IQSEC1: variants seen among roughly 807,000 people sequenced by gnomAD.
The protein encoded by IQSEC1 is IQ motif and Sec7 domain ArfGEF 1.
Under a neutral mutation model 91.0 loss-of-function variants are expected in IQSEC1, and 31 were observed. That is an observed-to-expected ratio of 0.34 (90% CI 0.26 to 0.46). The LOEUF is 0.46. Ranked by LOEUF, IQSEC1 falls within the 20% of genes least tolerant of loss-of-function variation. The pLI, the probability that IQSEC1 is intolerant of heterozygous loss-of-function variation, is 1.00. For missense variants in IQSEC1, 1,388 were observed against 1,575.6 expected (o/e 0.88, Z 2.02); for synonymous variants, 699 against 662.6 (o/e 1.05, Z -0.84).
chr3:12,962,429 G>C (rs1228580095), intron 1 of IQSEC1, among the ~76,000 whole-genome samples: 1 of 152,206 alleles, frequency 6.6e-6, no homozygotes, highest in African/African-American at 2.4e-5. Flanking sequence ...TGGGCAGCAG[G>C]GGATTTTGGG....
At chr3:13,173,267 T>C (rs116512773) in intron 1 of IQSEC1, among the ~76,000 whole-genome samples, 7,250 of 152,232 alleles carry the variant, frequency 0.048, 181 homozygotes, top group Non-Finnish European at 0.054. Flanking sequence ...GCCATGGGAA[T>C]GTTAGGAGGG....
intron 5 of IQSEC1, among the ~76,000 whole-genome samples, chr3:12,921,778 T>C (rs1054776937): frequency 5.9e-5 from 9 of 152,166 alleles, no homozygotes; most frequent in Non-Finnish European, 1.2e-4. Flanking sequence ...AATGCAGAGC[T>C]TGGGGGGAAT....
intron 1 of IQSEC1, among the ~76,000 whole-genome samples, chr3:13,262,491 G>T (rs1008819980): frequency 6.6e-6 from 1 of 152,114 alleles, no homozygotes; most frequent in African/African-American, 2.4e-5. Flanking sequence ...TGAGGGTTAC[G>T]CTAGGACGGA....
rs931887491 is a variant in IQSEC1 at position 12,924,825 on chromosome 3, G to T, written c.1569-83C>A. ...TGGAGGGGATCTCCGCTCAGTGGAC[G>T]GTCGACATTCTCCCTCCCTGCCCAC... On this transcript the variant is annotated intron_variant, in intron 3 of 13. Coordinates refer to ENST00000613206, the MANE Select transcript of IQSEC1 (RefSeq NM_001134382.3). The surrounding 1 kb of genome is among the most constrained non-coding windows in gnomAD (Gnocchi z 6.3). 3.0e-6 allele frequency: 4 copies of T among 1,329,838 alleles called. No individual in the cohort carries two copies. Among genetic ancestry groups the T allele is most frequent in the Non-Finnish European group, 4.1e-6 (4 of 977,890 alleles). 82.4% of individuals were successfully genotyped at this position (1,329,838 alleles called of 1,614,324 possible). A position where few individuals can be genotyped will look rare whatever the true frequency, so the allele number is the denominator to read the frequency against.
chr3:12,955,733 G>A (rs139302831), intron 1 of IQSEC1, among the ~76,000 whole-genome samples: 29 of 152,334 alleles, frequency 1.9e-4, no homozygotes, highest in Admixed American at 5.2e-4. Flanking sequence ...GAGCGCCACC[G>A]GGCCAGGGCC....
At chr3:13,009,911 T>C (rs893720373) in intron 1 of IQSEC1, among the ~76,000 whole-genome samples, 3 of 152,184 alleles carry the variant, frequency 2.0e-5, no homozygotes, top group Admixed American at 6.5e-5. Context: ...CTAGGCATCC[T>C]CTTCAAACTC....
chr3:13,025,981 T>C (rs1703597636), intron 1 of IQSEC1, among the ~76,000 whole-genome samples: 2 of 152,170 alleles, frequency 1.3e-5, no homozygotes, highest in African/African-American at 4.8e-5. Flanking sequence ...ATTCTGCACA[T>C]ATTGCCCAGT....
intron 1 of IQSEC1, among the ~76,000 whole-genome samples, chr3:13,247,083 C>A (rs1331034986): frequency 6.6e-6 from 1 of 152,186 alleles, no homozygotes; most frequent in Non-Finnish European, 1.5e-5. Flanking sequence ...CACTTGTCAG[C>A]AACTGTCTCT....
chr3:12,961,640 T>A (rs1323131918), intron 1 of IQSEC1, among the ~76,000 whole-genome samples: 2 of 152,158 alleles, frequency 1.3e-5, no homozygotes, highest in Admixed American at 1.3e-4. Context: ...GCCAAAAAGA[T>A]AAACAATCCA....
chr3:12,920,499 C>T lies in IQSEC1; in HGVS notation c.1951G>A (p.Asp651Asn), dbSNP rs1559623072. 2 of 1,614,172 alleles carry T rather than the reference C, an allele frequency of 1.2e-6. No homozygotes were observed. The highest frequency in any genetic ancestry group is 1.7e-6 in the Non-Finnish European group (2 of 1,180,016). The change falls in exon 6 of 14, where the codon GAC (aspartate) becomes AAC (asparagine). Residue 651 changes from aspartate (D) to asparagine (N), a missense_variant. By Grantham distance (23) the Asp-to-Asn change is conservative. This residue lies in a region of IQSEC1 where 1,059 missense variants were observed against 1,317.8 expected (regional missense o/e 0.80). Transcript: ENST00000613206. ...LAFAIILLNTDMYSPNVKPER... is the reference protein window; with the variant it reads ...LAFAIILLNTNMYSPNVKPER... ...GGCTTGACATTGGGGCTGTACATGTCGGTGTTCAGCAGGATGATGGCGAAG... is the reference window on the plus strand; with the variant it reads ...GGCTTGACATTGGGGCTGTACATGTTGGTGTTCAGCAGGATGATGGCGAAG...
At chr3:13,018,215 G>A (rs1037559730) in intron 1 of IQSEC1, among the ~76,000 whole-genome samples, 4 of 152,240 alleles carry the variant, frequency 2.6e-5, no homozygotes, top group South Asian at 2.1e-4. Flanking sequence ...CAAGAGGAAC[G>A]CCCACTGGCC....
At position 12,936,250 on chromosome 3, in the gene IQSEC1, C is replaced by T. The variant is rs754154698; in HGVS notation, c.766G>A (p.Ala256Thr). 6 of 1,613,278 alleles carry T rather than the reference C, an allele frequency of 3.7e-6. No homozygotes were observed. Among genetic ancestry groups the T allele is most frequent in the Middle Eastern group, 1.6e-4 (1 of 6,062 alleles). Residue 256 changes from alanine to threonine, a missense_variant, in exon 3 of 14, where the codon GCC (alanine) becomes ACC (threonine). By Grantham distance (58) the Ala-to-Thr change is moderately conservative (BLOSUM62 0). This residue lies in a region of IQSEC1 where 1,059 missense variants were observed against 1,317.8 expected (regional missense o/e 0.80). Transcript: ENST00000613206. ...TCCCGGGCCCGCGCCGCATCCAGGGCCGGTGCCTCCTCAGTGTGCAGGCTG... is the reference window on the plus strand; with the variant it reads ...TCCCGGGCCCGCGCCGCATCCAGGGTCGGTGCCTCCTCAGTGTGCAGGCTG... ...CRSLHTEEAP[A>T]LDAARARDTE...
chr3:13,177,081 A>G (rs1316407410), intron 1 of IQSEC1, among the ~76,000 whole-genome samples: 1 of 152,142 alleles, frequency 6.6e-6, no homozygotes, highest in Non-Finnish European at 1.5e-5. Flanking sequence ...ATATGTGGAG[A>G]GTTGGTTTTT....
At chr3:13,252,389 G>A (rs915293393) in intron 1 of IQSEC1, among the ~76,000 whole-genome samples, 1 of 152,150 alleles carries the variant, frequency 6.6e-6, no homozygotes, top group Non-Finnish European at 1.5e-5. Flanking sequence ...TGTTTTTAAG[G>A]CTCAACCATA....
intron 2 of IQSEC1, among the ~76,000 whole-genome samples, chr3:13,119,684 G>A (rs1031753546): frequency 5.3e-5 from 8 of 152,270 alleles, no homozygotes; most frequent in South Asian, 2.1e-4. Context: ...CCCCAGTGTC[G>A]TCTAAGGCAG....
At chr3:13,111,563 C>A (rs1449586120) in intron 2 of IQSEC1, among the ~76,000 whole-genome samples, 1 of 152,182 alleles carries the variant, frequency 6.6e-6, no homozygotes, top group Non-Finnish European at 1.5e-5. Context: ...GTGTTAGGGA[C>A]TGAATGTTTG....
At position 13,228,687 on chromosome 3, in the gene IQSEC1, G is replaced by A. The variant is rs193145334; in HGVS notation, c.272+54024C>T. On this transcript the variant is annotated intron_variant, in intron 1 of 15. Coordinates refer to the IQSEC1 transcript ENST00000648114. The stretch of plus-strand genomic sequence containing the variant: ...GGCCCTGCTCACTTCCCCCATCTCA[G>A]CTCCTTCCTCTCACCCTTGCCCTCT... Among the ~76,000 whole-genome samples, 119 of 152,306 alleles carry A rather than the reference G, an allele frequency of 7.8e-4. 1 individual carries two copies. The highest frequency in any genetic ancestry group is 2.7e-3 in the African/African-American group (114 of 41,572).
At chr3:12,981,614 T>G (rs1030940291) in intron 1 of IQSEC1, among the ~76,000 whole-genome samples, 1 of 152,238 alleles carries the variant, frequency 6.6e-6, no homozygotes, top group Non-Finnish European at 1.5e-5. Context: ...GTTAGAAACA[T>G]AGACAAAGCT....
intron 2 of IQSEC1, among the ~76,000 whole-genome samples, chr3:12,938,343 G>A (rs1012542395): frequency 2.0e-5 from 3 of 152,194 alleles, no homozygotes; most frequent in East Asian, 1.9e-4. Flanking sequence ...CCAAACAGAC[G>A]TCCAGCAAAT....
Sources: allele counts gnomAD v4.1 joint callset (sites outside exome capture counted in the v4.1 genomes callset), GRCh38; gene constraint gnomAD v4.1.1; regional missense constraint gnomAD v4.1.1; non-coding constraint Gnocchi (gnomAD v3.1); transcripts MANE v1.5; gene names NCBI Gene and HGNC (gene_info 2026-07-23, HGNC 2026-07-21).